The following PTPRD variants were observed in gnomAD, a reference collection of about 807,000 sequenced individuals.
PTPRD encodes the protein receptor-type tyrosine-protein phosphatase delta.
A neutral mutation model predicts 214.5 loss-of-function variants in PTPRD; 34 were observed. That is an observed-to-expected ratio of 0.16 (90% CI 0.12 to 0.21). The LOEUF is 0.21. Ranked by LOEUF, PTPRD falls within the 10% of genes least tolerant of loss-of-function variation. The pLI, the probability that PTPRD is intolerant of heterozygous loss-of-function variation, is 1.00. For missense variants in PTPRD, 2,545 were observed against 2,398.7 expected (o/e 1.06, Z -1.27); for synonymous variants, 1,128 against 845.7 (o/e 1.33, Z -5.79).
At chr9:10,564,297 G>A (rs888062692) in intron 2 of PTPRD, among the ~76,000 whole-genome samples, 1 of 148,940 alleles carries the variant, frequency 6.7e-6, no homozygotes, top group East Asian at 2.0e-4. Flanking sequence ...TTACAGGCAC[G>A]AGCTGCTGAG....
chr9:9,271,404 A>G, intron 9 of PTPRD, among the ~76,000 whole-genome samples: 1 of 151,280 alleles, frequency 6.6e-6, no homozygotes, highest in Non-Finnish European at 1.5e-5. Flanking sequence ...CAGACCAGTT[A>G]TAACCAAAAA....
At chr9:8,980,979 T>C (rs779107004) in intron 11 of PTPRD, among the ~76,000 whole-genome samples, 2 of 152,106 alleles carry the variant, frequency 1.3e-5, no homozygotes, top group Non-Finnish European at 2.9e-5. Context: ...CTCAGCATTA[T>C]GAGTATGGGC....
intron 11 of PTPRD, among the ~76,000 whole-genome samples, chr9:8,964,192 G>GTTTTTTT (rs71317391): frequency 4.5e-4 from 16 of 35,634 alleles, no homozygotes; most frequent in Non-Finnish European, 6.1e-4. Context: ...TCAGGGCTGT[G>GTTTTTTT]TTTTTTTTTT....
chr9:9,126,355 G>A (rs1027711399), intron 10 of PTPRD, among the ~76,000 whole-genome samples: 2 of 152,104 alleles, frequency 1.3e-5, no homozygotes, highest in Non-Finnish European at 2.9e-5. Flanking sequence ...CTGTCCAATA[G>A]GCCATAATAT....
intron 2 of PTPRD, among the ~76,000 whole-genome samples, chr9:10,567,490 T>A (rs917318153): frequency 6.6e-6 from 1 of 152,230 alleles, no homozygotes; most frequent in Admixed American, 6.5e-5. Flanking sequence ...ACCACCATAA[T>A]GTGACCTTAT....
At chr9:9,572,065 A>C (rs1563771808) in intron 8 of PTPRD, among the ~76,000 whole-genome samples, 1 of 151,364 alleles carries the variant, frequency 6.6e-6, no homozygotes, top group South Asian at 2.1e-4. Flanking sequence ...AAAAACCCTA[A>C]TAAACAGAAA....
At chr9:9,068,337 G>T (rs530234016) in intron 10 of PTPRD, among the ~76,000 whole-genome samples, 1 of 152,214 alleles carries the variant, frequency 6.6e-6, no homozygotes, top group African/African-American at 2.4e-5. Context: ...GTTAACATAG[G>T]TTTCCCCCTC....
At chr9:10,487,786 T>C (rs961152231) in intron 2 of PTPRD, among the ~76,000 whole-genome samples, 4 of 151,558 alleles carry the variant, frequency 2.6e-5, no homozygotes, top group Non-Finnish European at 5.9e-5. Context: ...CCTATGTATG[T>C]AACAAACCTG....
At chr9:8,754,729 CAATT>C (rs35641334) in intron 11 of PTPRD, among the ~76,000 whole-genome samples, 77,827 of 151,528 alleles carry the variant, frequency 0.51, 23,426 homozygotes, top group South Asian at 0.67. Flanking sequence ...TGATAAATTT[CAATT>C]AATTAAAATT....
At chr9:9,596,073 T>C (rs926379360) in intron 7 of PTPRD, among the ~76,000 whole-genome samples, 12 of 152,054 alleles carry the variant, frequency 7.9e-5, no homozygotes, top group Non-Finnish European at 1.8e-4. Context: ...TTAATCAAAA[T>C]ATATTCACTT....
intron 16 of PTPRD, 67 bp downstream of exon 16, chr9:8,527,278 A>G (rs2074425452): frequency 5.3e-6 from 8 of 1,503,516 alleles, no homozygotes; most frequent in African/African-American, 1.4e-5. Context: ...TTTTATTAAT[A>G]ATAATAATAA....
intron 9 of PTPRD, among the ~76,000 whole-genome samples, chr9:9,220,503 T>C (rs2099955230): frequency 6.6e-6 from 1 of 152,050 alleles, no homozygotes; most frequent in South Asian, 2.1e-4. Flanking sequence ...GATATATTCT[T>C]TGTAAAACTG....
intron 2 of PTPRD, among the ~76,000 whole-genome samples, chr9:10,609,625 A>C (rs543897694): frequency 4.9e-4 from 75 of 152,286 alleles, no homozygotes; most frequent in Middle Eastern, 6.8e-3. Flanking sequence ...CTGCACCTGC[A>C]TACATTTGGA....
intron 3 of PTPRD, among the ~76,000 whole-genome samples, chr9:10,313,315 T>C (rs1013980691): frequency 6.6e-6 from 1 of 150,516 alleles, no homozygotes; most frequent in Non-Finnish European, 1.5e-5. Context: ...AATTATATAT[T>C]TGAAGAAAAG....
At chr9:8,420,948 T>TGATGTCCTGC (rs1009061807) in intron 35 of PTPRD, among the ~76,000 whole-genome samples, 4 of 152,054 alleles carry the variant, frequency 2.6e-5, no homozygotes, top group African/African-American at 9.7e-5. Context: ...TCAGGGAGCT[T>TGATGTCCTGC]GATGTCCTGC....
chr9:8,396,437 T>C (rs1030371369), intron 36 of PTPRD, among the ~76,000 whole-genome samples: 1 of 151,998 alleles, frequency 6.6e-6, no homozygotes, highest in Admixed American at 6.6e-5. Flanking sequence ...AACAGAACCA[T>C]AGATGATGTA....
At chr9:8,872,576 G>A (rs1216711911) in intron 11 of PTPRD, among the ~76,000 whole-genome samples, 1 of 152,212 alleles carries the variant, frequency 6.6e-6, no homozygotes, top group African/African-American at 2.4e-5. Context: ...TTTTGGGCCA[G>A]GTATCTGCAC....
intron 6 of PTPRD, among the ~76,000 whole-genome samples, chr9:9,762,438 G>T (rs1180572365): frequency 1.3e-5 from 2 of 152,042 alleles, no homozygotes; most frequent in South Asian, 2.1e-4. Flanking sequence ...TTTAGGTTTG[G>T]TTCCTTTTAT....
At chr9:9,876,993 C>A (rs149644355) in intron 5 of PTPRD, among the ~76,000 whole-genome samples, 360 of 152,168 alleles carry the variant, frequency 2.4e-3, no homozygotes, top group African/African-American at 8.2e-3. Context: ...AATTATTTAT[C>A]CTTGCTGAAG....
Sources: gnomAD v4.1 joint callset for allele counts (sites outside exome capture counted in the v4.1 genomes callset) on GRCh38, gnomAD v4.1.1 for gene constraint, MANE v1.5 for transcripts, NCBI Gene and HGNC (gene_info 2026-07-23, HGNC 2026-07-21) for gene names.